CSMD1: variants seen among roughly 807,000 people sequenced by gnomAD.
CSMD1 encodes CUB and sushi domain-containing protein 1.
In CSMD1, 213 loss-of-function variants were observed where a neutral mutation model predicts 417.5. The ratio of observed to expected loss-of-function variants is 0.51; its 90% confidence interval spans 0.46 to 0.57. CSMD1 has a LOEUF of 0.57. Ranked by LOEUF, CSMD1 falls within the 20% of genes least tolerant of loss-of-function variation. The probability of loss-of-function intolerance (pLI) is 0.00; values close to 1 mark genes in which losing one functional copy is unlikely to be tolerated. For synonymous variants in CSMD1, 2,862 were observed against 1,736.8 expected, an observed-to-expected ratio of 1.65 and a Z score of -16.11; for missense variants, 6,923 against 4,529.7, an observed-to-expected ratio of 1.53 and a Z score of -15.17.
At chr8:4,383,371 A>G (rs76228006) in intron 3 of CSMD1, among the ~76,000 whole-genome samples, 12,858 of 152,102 alleles carry the variant, frequency 0.085, 697 homozygotes, top group South Asian at 0.19. Flanking sequence ...TTGCTTATGG[A>G]AATGTTTACT....
In CSMD1 at chr8:4,755,672, T is replaced by C. The variant is rs544057238; in HGVS notation, c.86-118114A>G. Among the ~76,000 whole-genome samples, 620 of 152,314 alleles carry C rather than the reference T, an allele frequency of 4.1e-3. 9 individuals carry two copies. Among genetic ancestry groups the C allele is most frequent in the Middle Eastern group, 0.017 (5 of 294 alleles). The stretch of plus-strand genomic sequence containing the variant: ...CACATCTGTCAATGGCATTATTAGT[T>C]TTCAATAATTCGCAGTTAAAGTTTC... On this transcript the variant is annotated intron_variant, in intron 1 of 69. Transcript: ENST00000635120.
At chr8:4,470,257 G>T (rs1199081518) in intron 2 of CSMD1, among the ~76,000 whole-genome samples, 1 of 152,052 alleles carries the variant, frequency 6.6e-6, no homozygotes, top group African/African-American at 2.4e-5. Context: ...TCCCATCAGG[G>T]GCTCCTCCTC....
At chr8:3,560,793 C>A (rs1232030945) in intron 10 of CSMD1, among the ~76,000 whole-genome samples, 1 of 152,154 alleles carries the variant, frequency 6.6e-6, no homozygotes, top group Non-Finnish European at 1.5e-5. Flanking sequence ...TTGACCCTAT[C>A]GAGCTAGAGA....
intron 1 of CSMD1, among the ~76,000 whole-genome samples, chr8:4,986,794 T>C (rs1040126296): frequency 3.9e-5 from 6 of 152,012 alleles, no homozygotes; most frequent in Admixed American, 3.9e-4. Flanking sequence ...AGAAGAAATC[T>C]TCTGAATTAA....
chr8:4,552,730 A>G (rs1797928197), intron 2 of CSMD1, among the ~76,000 whole-genome samples: 1 of 152,208 alleles, frequency 6.6e-6, no homozygotes, highest in Non-Finnish European at 1.5e-5. Context: ...TAAAATTTAA[A>G]GTGAAACTAG....
At chr8:4,766,439 T>C (rs1025810426) in intron 1 of CSMD1, among the ~76,000 whole-genome samples, 2 of 152,162 alleles carry the variant, frequency 1.3e-5, no homozygotes, top group African/African-American at 2.4e-5. Context: ...CACGAATATA[T>C]ACAGAAGGCT....
At chr8:3,445,698 C>T (rs112312432) in intron 12 of CSMD1, among the ~76,000 whole-genome samples, 4 of 151,964 alleles carry the variant, frequency 2.6e-5, no homozygotes, top group African/African-American at 9.7e-5. Context: ...GGAAACAAGG[C>T]CATGTAGCAA....
chr8:4,254,898 G>A (rs149242046), intron 3 of CSMD1, among the ~76,000 whole-genome samples: 71 of 152,228 alleles, frequency 4.7e-4, no homozygotes, highest in African/African-American at 1.5e-3. Context: ...GAAATTTCCC[G>A]ATGAGGCATT....
At chr8:3,850,902 G>C (rs906685153) in intron 5 of CSMD1, among the ~76,000 whole-genome samples, 10 of 152,052 alleles carry the variant, frequency 6.6e-5, no homozygotes, top group South Asian at 2.1e-4. Context: ...AGGAAACAGA[G>C]TTTAAAGTTT....
chr8:3,858,928 T>G (rs114074496), intron 5 of CSMD1, among the ~76,000 whole-genome samples: 1 of 152,168 alleles, frequency 6.6e-6, no homozygotes, highest in Non-Finnish European at 1.5e-5. Context: ...GGCGAGTTGG[T>G]TGAAGTCAGT....
chr8:4,822,354 C>A (rs1170398931), intron 1 of CSMD1, among the ~76,000 whole-genome samples: 1 of 152,056 alleles, frequency 6.6e-6, no homozygotes, highest in Non-Finnish European at 1.5e-5. Flanking sequence ...TTAGAGAGGA[C>A]AAAAATGTGT....
chr8:4,108,513 A>C (rs1025768085), intron 3 of CSMD1, among the ~76,000 whole-genome samples: 1 of 152,184 alleles, frequency 6.6e-6, no homozygotes, highest in African/African-American at 2.4e-5. Context: ...TGCAGTTTTA[A>C]TTTGATAATT....
chr8:4,145,512 C>T lies in CSMD1; in HGVS notation c.416-113413G>A, dbSNP rs183744544. On this transcript the variant is annotated intron_variant, in intron 3 of 69. Coordinates refer to ENST00000635120, the MANE Select transcript of CSMD1 (RefSeq NM_033225.6). Reference sequence around the variant, plus strand: ...GCATGTGAGCCCTGTCACCCTCAAACATTGTCATCTTGAATCCCATTCAGA... The same window carrying T: ...GCATGTGAGCCCTGTCACCCTCAAATATTGTCATCTTGAATCCCATTCAGA... Among the ~76,000 whole-genome samples, 18 of 151,104 alleles carry T rather than the reference C, an allele frequency of 1.2e-4. 1 individual carries two copies. The highest frequency in any genetic ancestry group is 3.0e-4 in the African/African-American group (12 of 40,442).
At chr8:4,412,346 AGT>A (rs35911622) in intron 3 of CSMD1, among the ~76,000 whole-genome samples, 9,127 of 152,090 alleles carry the variant, frequency 0.06, 301 homozygotes, top group South Asian at 0.15. Flanking sequence ...TGAACTGAAA[AGT>A]GTGTGGCACC....
At chr8:4,037,004 C>A (rs991886632) in intron 3 of CSMD1, among the ~76,000 whole-genome samples, 1 of 148,252 alleles carries the variant, frequency 6.7e-6, no homozygotes. Context: ...TGTGATCCTG[C>A]CATGGTAGTG....
At chr8:4,868,611 A>G (rs1802553154) in intron 1 of CSMD1, among the ~76,000 whole-genome samples, 1 of 152,128 alleles carries the variant, frequency 6.6e-6, no homozygotes, top group African/African-American at 2.4e-5. Flanking sequence ...GGCATAATGA[A>G]CAAGTGTTCA....
At chr8:4,042,020 A>T (rs989871976) in intron 3 of CSMD1, among the ~76,000 whole-genome samples, 2 of 152,224 alleles carry the variant, frequency 1.3e-5, no homozygotes, top group African/African-American at 4.8e-5. Context: ...GAGCACAGAG[A>T]ATCAATGAAC....
chr8:4,046,883 C>G (rs140304972), intron 3 of CSMD1, among the ~76,000 whole-genome samples: 1,858 of 152,192 alleles, frequency 0.012, 18 homozygotes, highest in Middle Eastern at 0.02. Flanking sequence ...GAGAATGTGA[C>G]AATGAGGCCA....
chr8:4,345,903 G>C (rs1309961584), intron 3 of CSMD1, among the ~76,000 whole-genome samples: 1 of 152,068 alleles, frequency 6.6e-6, no homozygotes, highest in African/African-American at 2.4e-5. Context: ...TGTGTATTCA[G>C]TCAAGACGTA....
Sources: allele counts gnomAD v4.1 joint callset (sites outside exome capture counted in the v4.1 genomes callset), GRCh38; gene constraint gnomAD v4.1.1; transcripts MANE v1.5; gene names NCBI Gene and HGNC (gene_info 2026-07-23, HGNC 2026-07-21).